Variants in PRRX2 observed in about 807,000 individuals in gnomAD.
PRRX2 encodes the protein paired mesoderm homeobox protein 2.
In PRRX2, 11 loss-of-function variants were observed where a neutral mutation model predicts 18.0. The observed-to-expected ratio is 0.61, with a 90% CI of 0.39 to 1.01. The LOEUF is 1.01. PRRX2 is among the 50% of genes least tolerant of loss of function. The pLI is 0.01. For missense variants in PRRX2, 387 were observed against 351.0 expected (o/e 1.10, Z -0.82); for synonymous variants, 177 against 154.8 (o/e 1.14, Z -1.06).
At chr9:129,683,314 C>T (rs1384282239) in intron 1 of PRRX2, among the ~76,000 whole-genome samples, 2 of 152,200 alleles carry the variant, frequency 1.3e-5, no homozygotes, top group African/African-American at 4.8e-5. Flanking sequence ...ATTGACATTT[C>T]CATTTTAGAG....
intron 1 of PRRX2, among the ~76,000 whole-genome samples, chr9:129,672,433 C>A (rs1205448676): frequency 1.3e-5 from 2 of 152,166 alleles, no homozygotes; most frequent in Non-Finnish European, 2.9e-5. Context: ...TCACACCGTT[C>A]CCATTCCTGT....
At chr9:129,706,365 G>A (rs1832557784) in intron 1 of PRRX2, among the ~76,000 whole-genome samples, 1 of 152,076 alleles carries the variant, frequency 6.6e-6, no homozygotes, top group South Asian at 2.1e-4. Context: ...CAGATCATTT[G>A]AGGTCAGGAG....
chr9:129,713,164 C>A (rs762992188), intron 1 of PRRX2: 3 of 152,354 alleles, frequency 2.0e-5, no homozygotes, highest in Non-Finnish European at 4.4e-5. Flanking sequence ...CCAGCCTCAG[C>A]CCACGGCAGG....
chr9:129,692,843 G>C (rs1168104976), intron 1 of PRRX2, among the ~76,000 whole-genome samples: 1 of 152,220 alleles, frequency 6.6e-6, no homozygotes, highest in African/African-American at 2.4e-5. Context: ...ATTATGAACA[G>C]AGCTGCTATA....
intron 1 of PRRX2, among the ~76,000 whole-genome samples, chr9:129,685,859 G>A (rs573272672): frequency 6.6e-6 from 1 of 152,342 alleles, no homozygotes; most frequent in African/African-American, 2.4e-5. Context: ...AGGGCGCAGA[G>A]GGAACCCGGT....
chr9:129,690,357 G>A (rs1167457052), intron 1 of PRRX2, among the ~76,000 whole-genome samples: 2 of 152,160 alleles, frequency 1.3e-5, no homozygotes, highest in Non-Finnish European at 2.9e-5. Context: ...TTGGCACACA[G>A]GTTGTATCAC....
chr9:129,698,779 C>T (rs1228041801), intron 1 of PRRX2, among the ~76,000 whole-genome samples: 1 of 152,194 alleles, frequency 6.6e-6, no homozygotes, highest in Non-Finnish European at 1.5e-5. Flanking sequence ...CGGTCACAGG[C>T]TCAAAGTCAC....
At position 129,673,034 on chromosome 9, in the gene PRRX2, G is replaced by A. The variant is rs369872902; in HGVS notation, c.259+6908G>A. On this transcript the variant is annotated intron_variant, in intron 1 of 3. Coordinates refer to ENST00000372469, the MANE Select transcript of PRRX2 (RefSeq NM_016307.4). ...GTCCAGTTAAATTTCCAGTAACTGAGAGGAAGTGGCATACAGTGGACAGCG... is the reference window on the plus strand; with the variant it reads ...GTCCAGTTAAATTTCCAGTAACTGAAAGGAAGTGGCATACAGTGGACAGCG... Among the ~76,000 whole-genome samples, 6 of 152,324 alleles carry A rather than the reference G, an allele frequency of 3.9e-5. No individual in the cohort carries two copies. In the East Asian group the frequency reaches 5.8e-4, roughly 15 times the overall value.
intron 1 of PRRX2, among the ~76,000 whole-genome samples, chr9:129,694,524 T>A (rs1418941240): frequency 6.6e-6 from 1 of 152,152 alleles, no homozygotes; most frequent in African/African-American, 2.4e-5. Context: ...CTGTGCTGGC[T>A]GCCTCCTGGG....
intron 1 of PRRX2, among the ~76,000 whole-genome samples, chr9:129,710,515 C>T (rs1431855499): frequency 6.6e-6 from 1 of 152,146 alleles, no homozygotes; most frequent in Non-Finnish European, 1.5e-5. Flanking sequence ...GGGTGGACCA[C>T]AAGGTCAAGA....
intron 1 of PRRX2, among the ~76,000 whole-genome samples, chr9:129,684,428 AC>A (rs1243858368): frequency 2.2e-3 from 5 of 2,284 alleles, no homozygotes; most frequent in African/African-American, 3.4e-3. Flanking sequence ...CACAGATACA[AC>A]ACACACACAC....
At chr9:129,672,009 A>G (rs59518349) in intron 1 of PRRX2, among the ~76,000 whole-genome samples, 8,646 of 152,062 alleles carry the variant, frequency 0.057, 275 homozygotes, top group Middle Eastern at 0.1. Context: ...AGGTGGGGGC[A>G]GGAAGGAAGG....
At chr9:129,718,142 C>T (rs1009379652) in intron 1 of PRRX2, among the ~76,000 whole-genome samples, 3 of 152,002 alleles carry the variant, frequency 2.0e-5, no homozygotes, top group African/African-American at 7.3e-5. Flanking sequence ...CTGCTGGGCC[C>T]TCCTTACCAG....
At chr9:129,680,726 C>A (rs1487952672) in intron 1 of PRRX2, among the ~76,000 whole-genome samples, 1 of 152,070 alleles carries the variant, frequency 6.6e-6, no homozygotes, top group South Asian at 2.1e-4. Context: ...GACCCAGATC[C>A]CTCTCCCCTG....
intron 1 of PRRX2, among the ~76,000 whole-genome samples, chr9:129,680,247 C>T (rs1356223196): frequency 2.0e-5 from 3 of 151,578 alleles, no homozygotes; most frequent in East Asian, 1.9e-4. Context: ...ACTAAAAATA[C>T]GAAGTTAGCT....
At chr9:129,679,816 A>G (rs776573976) in intron 1 of PRRX2, among the ~76,000 whole-genome samples, 12 of 152,144 alleles carry the variant, frequency 7.9e-5, no homozygotes, top group Non-Finnish European at 1.6e-4. Context: ...AGACAGAGAA[A>G]TGTAGAGCCA....
intron 1 of PRRX2, among the ~76,000 whole-genome samples, chr9:129,714,149 A>C (rs912704885): frequency 4.1e-4 from 54 of 132,804 alleles, no homozygotes; most frequent in African/African-American, 2.1e-3. Context: ...CTAAAAATAC[A>C]AAAAAAATTA....
chr9:129,722,136 G>T, intron 3 of PRRX2, 81 bp from the exon 4 acceptor site: 2 of 1,536,774 alleles, frequency 1.3e-6, no homozygotes, highest in South Asian at 1.2e-5. Flanking sequence ...GAGGGGGGTG[G>T]CAGGACCAGA....
rs1042879229 is a variant in PRRX2 at position 129,675,789 on chromosome 9, C to T, written c.259+9663C>T. Among the ~76,000 whole-genome samples, 5 of 152,236 alleles carry T rather than the reference C, an allele frequency of 3.3e-5. No individual in the cohort carries two copies. The highest frequency in any genetic ancestry group is 1.2e-4 in the African/African-American group (5 of 41,462). ...ACCTCGGAATCAAAGCGGGAGCCGC[C>T]AGGCGGGCGCGCCTGGCAGGGGCCT... On this transcript the variant is annotated intron_variant, in intron 1 of 3. Coordinates refer to ENST00000372469, the MANE Select transcript of PRRX2 (RefSeq NM_016307.4). This position sits in a 1 kb window ranked among gnomAD's most constrained non-coding sequence, Gnocchi z 4.4.
Sources: allele counts gnomAD v4.1 joint callset (sites outside exome capture counted in the v4.1 genomes callset), GRCh38; gene constraint gnomAD v4.1.1; non-coding constraint Gnocchi (gnomAD v3.1); transcripts MANE v1.5; gene names NCBI Gene and HGNC (gene_info 2026-07-23, HGNC 2026-07-21).